Variants in PLXNB1 observed in about 807,000 individuals in gnomAD.
PLXNB1 encodes the protein plexin-B1.
PLXNB1 carries 106 observed loss-of-function variants against 209.4 expected under a neutral mutation model. The ratio of observed to expected loss-of-function variants is 0.51; its 90% confidence interval spans 0.43 to 0.59. The LOEUF (loss-of-function observed/expected upper bound fraction) is 0.59. Among genes scored for constraint, PLXNB1 ranks in the 20% least tolerant of loss-of-function variants. The pLI, the probability that PLXNB1 is intolerant of heterozygous loss-of-function variation, is 0.00. For missense variants in PLXNB1, 2,357 were observed against 2,853.2 expected (o/e 0.83, Z 3.96); for synonymous variants, 1,167 against 1,183.2 (o/e 0.99, Z 0.28).
Position 48,404,462 on chromosome 3 carries a change from C to A in PLXNB1, c.*24G>T. 6.5e-7 allele frequency: 1 copy of A among 1,527,438 alleles called. No homozygotes were observed. Among genetic ancestry groups the A allele is most frequent in the Non-Finnish European group, 9.1e-7 (1 of 1,104,336 alleles). The allele number at this position is 1,527,438 out of a possible 1,614,324, so 94.6% of individuals were successfully genotyped here. A position where few individuals can be genotyped will look rare whatever the true frequency, so the allele number is the denominator to read the frequency against. ...GGCTGCCCAGGCCAGGCTGAAGCAA[C>A]AGCAGGCCGTGGCTCCTGGGTTCCT... On this transcript the variant is annotated 3_prime_UTR_variant, in exon 38 of 38. Coordinates refer to ENST00000296440, the MANE Select transcript of PLXNB1 (RefSeq NM_001130082.3).
rs747833297 is a variant in PLXNB1 at position 48,420,918 on chromosome 3, C to T, written c.1849G>A (p.Val617Ile). The change falls in exon 9 of 38, where the codon GTT becomes ATT. Residue 617 changes from valine (V) to isoleucine (I), a missense_variant. Physicochemically the swap from Val to Ile is conservative, Grantham distance 29. Transcript: ENST00000296440. ...SVSVELRFGA[V>I]VIAKTSLSFY... ...GAGAGGGAAGTTTTGGCGATCACAACAGCGCCAAATCTGAGCTCCACGCTC... is the reference window on the plus strand; with the variant it reads ...GAGAGGGAAGTTTTGGCGATCACAATAGCGCCAAATCTGAGCTCCACGCTC... 1.9e-6 allele frequency: 3 copies of T among 1,614,088 alleles called. No homozygotes were observed. The highest frequency in any genetic ancestry group is 2.5e-6 in the Non-Finnish European group (3 of 1,179,916).
At chr3:48,427,637 T>TC (rs1172357714) in intron 1 of PLXNB1, among the ~76,000 whole-genome samples, 3 of 151,958 alleles carry the variant, frequency 2.0e-5, no homozygotes, top group Non-Finnish European at 1.5e-5. Flanking sequence ...ATGCCAGTGC[T>TC]CCCCCACACA....
Position 48,404,256 on chromosome 3 carries a change from G to T in PLXNB1, c.*230C>A. The T allele has an allele frequency of 1.5e-5, 8 of 532,922 alleles. No homozygotes were observed. Among genetic ancestry groups the T allele is most frequent in the Non-Finnish European group, 2.7e-5 (8 of 301,046 alleles). The allele number at this position is 532,922 out of a possible 1,614,324, so 33.0% of individuals were successfully genotyped here. A position where few individuals can be genotyped will look rare whatever the true frequency, so the allele number is the denominator to read the frequency against. On this transcript the variant is annotated 3_prime_UTR_variant, in exon 38 of 38. Coordinates refer to ENST00000296440, the MANE Select transcript of PLXNB1 (RefSeq NM_001130082.3). ...ACTCCCTGCAGACCGGTGTCACAGGGTCGCTGGACTCGGGGAGCAGGCTGG... is the reference window on the plus strand; with the variant it reads ...ACTCCCTGCAGACCGGTGTCACAGGTTCGCTGGACTCGGGGAGCAGGCTGG...
chr3:48,418,959 T>C lies in PLXNB1; in HGVS notation c.2913A>G (p.Pro971=), dbSNP rs948559058. 3 of 1,613,946 alleles carry C rather than the reference T, an allele frequency of 1.9e-6. No homozygotes were observed. The highest frequency in any genetic ancestry group is 2.5e-6 in the Non-Finnish European group (3 of 1,179,978). Residue 971 remains proline (P), a synonymous_variant, in exon 13 of 38, where the codon CCA becomes CCG. Transcript: ENST00000296440. The surrounding 1 kb of genome is among the most constrained non-coding windows in gnomAD (Gnocchi z 6.6). ...TGACATGGCACTGGGTATCTGGAGG[T>C]GGCTCACACTCGACCCGGGCCTCAA... The part of the protein sequence containing the change: ...VVVEARVECE[P]PPDTQCHVTC...
intron 3 of PLXNB1, 61 bp downstream of exon 3, chr3:48,423,444 C>A: frequency 2.6e-6 from 4 of 1,565,794 alleles, no homozygotes; most frequent in East Asian, 4.5e-5. Context: ...AGCTCCTTGG[C>A]TGCAAATGCT....
chr3:48,427,637 T>C (rs1375205466), intron 1 of PLXNB1, among the ~76,000 whole-genome samples: 1 of 151,958 alleles, frequency 6.6e-6, no homozygotes. Context: ...ATGCCAGTGC[T>C]CCCCCACACA....
Position 48,423,934 on chromosome 3 carries a change from G to A in PLXNB1, c.678C>T (p.Ala226=), listed in dbSNP as rs1203163029. 1 of 1,614,016 alleles carries A rather than the reference G, an allele frequency of 6.2e-7. No homozygotes were observed. The highest frequency in any genetic ancestry group is 8.5e-7 in the Non-Finnish European group (1 of 1,180,026). Residue 226 remains alanine (A), a synonymous_variant, in exon 3 of 38, where the codon GCC becomes GCT. Transcript: ENST00000296440. The part of the protein sequence containing the change: ...HHFVSAFARG[A]SAYFLFLRRD... ...GCCGCAGGAACAGGAAGTAGGCGCT[G>A]GCCCCACGTGCAAAGGCACTCACGA...
In PLXNB1 at chr3:48,418,174, C is replaced by G; in HGVS notation, c.3222+17G>C. The G allele has an allele frequency of 6.2e-7, 1 of 1,610,294 alleles. No homozygotes were observed. The highest frequency in any genetic ancestry group is 1.7e-5 in the Admixed American group (1 of 59,468). ...AAGGGCAGCACTGAGGAAGGGATGG[C>G]CAGCCTTTCAACAAACCGAGTGGAT... On this transcript the variant is annotated intron_variant, in intron 15 of 37. Transcript: ENST00000296440. The surrounding 1 kb of genome is among the most constrained non-coding windows in gnomAD (Gnocchi z 6.6).
chr3:48,407,808 C>G (rs1488090519), intron 34 of PLXNB1, among the ~76,000 whole-genome samples: 3 of 152,170 alleles, frequency 2.0e-5, no homozygotes. Context: ...ACCCAGGAAC[C>G]ATTTGCTGTT....
chr3:48,420,016 T>C lies in PLXNB1; in HGVS notation c.2270A>G (p.Glu757Gly). The change falls in exon 11 of 38, where the codon GAG becomes GGG. Residue 757 changes from glutamate to glycine, a missense_variant. This residue lies in a region of PLXNB1 where 410 missense variants were observed against 401.0 expected (regional missense o/e 1.02). Transcript: ENST00000296440. ...TTGGGGGCTGGGAGGGGAGGGCTCC[T>C]CATGGAGAGGCGACCCTGTGGAGCC... ...SPGSTGSPLH[E>G]EPSPPSPQNG... 6.2e-7 allele frequency: 1 copy of C among 1,606,462 alleles called. No homozygotes were observed. Among genetic ancestry groups the C allele is most frequent in the Non-Finnish European group, 8.5e-7 (1 of 1,175,294 alleles).
chr3:48,424,381 C>G lies in PLXNB1; in HGVS notation c.231G>C (p.Arg77Ser). 1 of 1,556,654 alleles carries G rather than the reference C, an allele frequency of 6.4e-7. No individual in the cohort carries two copies. The highest frequency in any genetic ancestry group is 8.7e-7 in the Non-Finnish European group (1 of 1,149,758). Residue 77 changes from arginine (R) to serine (S), a missense_variant, in exon 3 of 38, where the codon AGG becomes AGC. This residue lies in a region of PLXNB1 where 107 missense variants were observed against 167.2 expected (regional missense o/e 0.64). Transcript: ENST00000296440. ...CAGGCATCACAGGTGGCAGGCAGTC[C>G]CTGCTGTCTAGCACAGGGCCGGTGG... ...TVSTGPVLDS[R>S]DCLPPVMPDE...
In PLXNB1 at chr3:48,415,467, C is replaced by T. The variant is rs2038021700; in HGVS notation, c.3794+116G>A. ...CCCCAAACCACACGACCCCTTGCCC[C>T]TACTAGCAGCATGGGATTCTCAGTG... On this transcript the variant is annotated intron_variant, in intron 19 of 37. Coordinates refer to ENST00000296440, the MANE Select transcript of PLXNB1 (RefSeq NM_001130082.3). The surrounding 1 kb of genome is among the most constrained non-coding windows in gnomAD (Gnocchi z 5.0). 1 of 1,411,814 alleles carries T rather than the reference C, an allele frequency of 7.1e-7. No individual in the cohort carries two copies. Among genetic ancestry groups the T allele is most frequent in the African/African-American group, 1.4e-5 (1 of 70,472 alleles). The allele number at this position is 1,411,814 out of a possible 1,614,324, so 87.5% of individuals were successfully genotyped here. A position where few individuals can be genotyped will look rare whatever the true frequency, so the allele number is the denominator to read the frequency against.
rs9817615 is a variant in PLXNB1, at chr3:48,429,347, C to T, written c.-60+661G>A. 0.57 allele frequency: 85,677 copies of T among 151,030 alleles called. 24,394 individuals carry two copies. Among genetic ancestry groups the T allele is most frequent in the East Asian group, 0.7 (3,551 of 5,088 alleles). 9.4% of individuals were successfully genotyped at this position (151,030 alleles called of 1,614,324 possible). A position where few individuals can be genotyped will look rare whatever the true frequency, so the allele number is the denominator to read the frequency against. ...CGCAGCGGCCTCTCCCCGGGTCTGGCGGAGCCGCAGCTGTTACCCGGAGAC... is the reference window on the plus strand; with the variant it reads ...CGCAGCGGCCTCTCCCCGGGTCTGGTGGAGCCGCAGCTGTTACCCGGAGAC... On this transcript the variant is annotated intron_variant, in intron 1 of 37. Coordinates refer to ENST00000296440, the MANE Select transcript of PLXNB1 (RefSeq NM_001130082.3). The surrounding 1 kb of genome is among the most constrained non-coding windows in gnomAD (Gnocchi z 6.4).
chr3:48,422,989 AC>A (rs748352191), intron 3 of PLXNB1, 42 bp from the exon 4 acceptor site: 1 of 1,570,200 alleles, frequency 6.4e-7, no homozygotes, highest in Non-Finnish European at 8.7e-7. Context: ...TCCCTGGATA[AC>A]CTCCTCGGCC....
chr3:48,410,119 A>ACCTCCCCAGGCCCCC lies in PLXNB1; in HGVS notation c.5606-57_5606-43dup, dbSNP rs2037574043. ...CAGCTGTCACCCCTCCCCAGGTGCC[A>ACCTCCCCAGGCCCCC]CCTCCCCAGGCCCCCTGTTTCTTGC... On this transcript the variant is annotated intron_variant, in intron 31 of 37. Coordinates refer to ENST00000296440, the MANE Select transcript of PLXNB1 (RefSeq NM_001130082.3). This position sits in a 1 kb window ranked among gnomAD's most constrained non-coding sequence, Gnocchi z 6.4. The ACCTCCCCAGGCCCCC allele has an allele frequency of 6.5e-7, 1 of 1,536,096 alleles. No homozygotes were observed. The highest frequency in any genetic ancestry group is 8.8e-7 in the Non-Finnish European group (1 of 1,136,556).
In PLXNB1 at chr3:48,423,790, C is replaced by T; in HGVS notation, c.822G>A (p.Gly274=). ...TGGCCACAGCTGCAGCCTGGATCAG[C>T]CCGTAGCGGCCACCTTCGCAGGCCA... The part of the protein sequence containing the change: ...LPLACEGGRY[G]LIQAAAVATS... The change falls in exon 3 of 38, where the codon GGG becomes GGA. Residue 274 remains glycine (G), a synonymous_variant. Transcript: ENST00000296440. 1.2e-6 allele frequency: 2 copies of T among 1,613,980 alleles called. No homozygotes were observed. The highest frequency in any genetic ancestry group is 1.7e-6 in the Non-Finnish European group (2 of 1,180,002).
rs908629043 is a variant in PLXNB1, at chr3:48,413,248, C to G, written c.4536-79G>C. ...GCCTGCCTGACAATCCCCAGGCACA[C>G]CCCGGCCTCATCCAGCACAGTCCAA... On this transcript the variant is annotated intron_variant, in intron 23 of 37. Transcript: ENST00000296440. The surrounding 1 kb of genome is among the most constrained non-coding windows in gnomAD (Gnocchi z 5.4). The G allele has an allele frequency of 8.8e-7, 1 of 1,133,892 alleles. No homozygotes were observed. Among genetic ancestry groups the G allele is most frequent in the African/African-American group, 1.5e-5 (1 of 66,206 alleles). The allele number at this position is 1,133,892 out of a possible 1,614,324, so 70.2% of individuals were successfully genotyped here. A position where few individuals can be genotyped will look rare whatever the true frequency, so the allele number is the denominator to read the frequency against.
At chr3:48,421,152 G>C in intron 8 of PLXNB1, 76 bp downstream of exon 8, 1 of 1,527,092 alleles carries the variant, frequency 6.5e-7, no homozygotes, top group Non-Finnish European at 8.9e-7. Flanking sequence ...TCTTTGCCTG[G>C]ATTCACACTT....
rs752689854 is a variant in PLXNB1 at position 48,412,846 on chromosome 3, G to A, written c.4750C>T (p.Pro1584Ser). The change falls in exon 25 of 38, where the codon CCC (proline) becomes TCC (serine). Residue 1584 changes from proline to serine, a missense_variant. This residue lies in a region of PLXNB1 where 743 missense variants were observed against 896.2 expected (regional missense o/e 0.83). Transcript: ENST00000296440. Reference sequence around the variant, plus strand: ...GGCACACCCAGGTCCCGGTGCAAGGGCGACTCGCGGTGCCCAGGGAAGAAG... The same window carrying A: ...GGCACACCCAGGTCCCGGTGCAAGGACGACTCGCGGTGCCCAGGGAAGAAG... The part of the protein sequence containing the change: ...RIFFPGHRES[P>S]LHRDLGVPES... 1.2e-6 allele frequency: 2 copies of A among 1,613,748 alleles called. No homozygotes were observed. Among genetic ancestry groups the A allele is most frequent in the South Asian group, 1.1e-5 (1 of 91,076 alleles).
Sources: gnomAD v4.1 joint callset for allele counts (sites outside exome capture counted in the v4.1 genomes callset) on GRCh38, gnomAD v4.1.1 for gene constraint, gnomAD v4.1.1 regional missense constraint, Gnocchi (gnomAD v3.1) non-coding constraint, MANE v1.5 for transcripts, NCBI Gene and HGNC (gene_info 2026-07-23, HGNC 2026-07-21) for gene names.